The following LINC00305 variants were observed in gnomAD, a reference collection of about 807,000 sequenced individuals.
The protein encoded by LINC00305 is long independently transcribed non-coding RNA 305.
intron 3 of LINC00305, among the ~76,000 whole-genome samples, chr18:64,083,413 C>T (rs1283303323): frequency 6.6e-6 from 1 of 152,192 alleles, no homozygotes; most frequent in East Asian, 1.9e-4. Flanking sequence ...GTGTTTCTTC[C>T]TAAGTTCTCA....
chr18:64,094,986 C>A (rs2051239812), intron 3 of LINC00305, among the ~76,000 whole-genome samples: 2 of 152,088 alleles, frequency 1.3e-5, no homozygotes, highest in Non-Finnish European at 2.9e-5. Context: ...AATTTGGATA[C>A]AGAAAACTGA....
intron 3 of LINC00305, among the ~76,000 whole-genome samples, chr18:64,094,889 A>C (rs1262065789): frequency 6.8e-6 from 1 of 146,974 alleles, no homozygotes; most frequent in Non-Finnish European, 1.5e-5. Flanking sequence ...ATAAATAATA[A>C]AATAAAATAA....
chr18:64,097,317 C>A (rs1279672663), intron 3 of LINC00305, among the ~76,000 whole-genome samples: 3 of 152,034 alleles, frequency 2.0e-5, no homozygotes, highest in Non-Finnish European at 4.4e-5. Context: ...ATATTATATA[C>A]AATTATGTTA....
intron 1 of LINC00305, among the ~76,000 whole-genome samples, chr18:64,127,208 T>C (rs2051389269): frequency 1.3e-5 from 2 of 152,110 alleles, no homozygotes; most frequent in South Asian, 2.1e-4. Context: ...CCCTTGTCAC[T>C]GCTATATTAC....
intron 2 of LINC00305, among the ~76,000 whole-genome samples, chr18:64,098,196 T>C (rs2144237623): frequency 6.6e-6 from 1 of 152,344 alleles, no homozygotes; most frequent in African/African-American, 2.4e-5. Flanking sequence ...AATATTCAGA[T>C]TTTAAAAACT....
intron 1 of LINC00305, among the ~76,000 whole-genome samples, chr18:64,102,588 A>G (rs1355135113): frequency 6.6e-6 from 1 of 152,182 alleles, no homozygotes; most frequent in Non-Finnish European, 1.5e-5. Flanking sequence ...TCATTGCCAT[A>G]AAGAAATACC....
intron 1 of LINC00305, among the ~76,000 whole-genome samples, chr18:64,109,541 AT>A: frequency 6.6e-6 from 1 of 152,224 alleles, no homozygotes. Flanking sequence ...CCATTTATTC[AT>A]TGTCATCATC....
chr18:64,125,258 A>C (rs1006705715), intron 1 of LINC00305, among the ~76,000 whole-genome samples: 1 of 152,022 alleles, frequency 6.6e-6, no homozygotes, highest in East Asian at 1.9e-4. Flanking sequence ...TGCCTTTAGC[A>C]CTCAGCTTCT....
intron 1 of LINC00305, among the ~76,000 whole-genome samples, chr18:64,134,833 G>T (rs891156740): frequency 1.3e-5 from 2 of 152,152 alleles, no homozygotes; most frequent in African/African-American, 4.8e-5. Flanking sequence ...AAATTATGAG[G>T]TCTACATTCT....
intron 3 of LINC00305, among the ~76,000 whole-genome samples, chr18:64,096,729 A>G (rs1289574443): frequency 6.6e-6 from 1 of 151,950 alleles, no homozygotes; most frequent in Non-Finnish European, 1.5e-5. Context: ...TGTGGATTTG[A>G]CTATATGACA....
intron 1 of LINC00305, among the ~76,000 whole-genome samples, chr18:64,131,464 G>A (rs1373734842): frequency 6.6e-6 from 1 of 152,182 alleles, no homozygotes; most frequent in Non-Finnish European, 1.5e-5. Context: ...GAAAGGAAGT[G>A]AATTGGGCAG....
chr18:64,093,901 T>A (rs2051234676), intron 3 of LINC00305, among the ~76,000 whole-genome samples: 1 of 149,952 alleles, frequency 6.7e-6, no homozygotes, highest in Admixed American at 6.6e-5. Context: ...TCACCCCACC[T>A]TTACTCAAAG....
chr18:64,130,629 G>T (rs1352214867), intron 1 of LINC00305, among the ~76,000 whole-genome samples: 1 of 151,952 alleles, frequency 6.6e-6, no homozygotes, highest in African/African-American at 2.4e-5. Context: ...GTTTGAAAAA[G>T]GTCTATGGAA....
intron 3 of LINC00305, among the ~76,000 whole-genome samples, chr18:64,094,044 C>G (rs1400532987): frequency 6.6e-6 from 1 of 152,140 alleles, no homozygotes; most frequent in Non-Finnish European, 1.5e-5. Context: ...CCTTGCTATA[C>G]CTGGGGTCTG....
intron 3 of LINC00305, among the ~76,000 whole-genome samples, chr18:64,090,349 C>T (rs1453283226): frequency 6.6e-6 from 1 of 152,158 alleles, no homozygotes; most frequent in Non-Finnish European, 1.5e-5. Flanking sequence ...TCTAAAGAGG[C>T]ATTTTCTGAA....
chr18:64,083,653 C>A (rs991034065), intron 3 of LINC00305, among the ~76,000 whole-genome samples: 3 of 152,170 alleles, frequency 2.0e-5, no homozygotes, highest in African/African-American at 7.2e-5. Flanking sequence ...GCACGGGCCC[C>A]TTTTAATGCC....
intron 3 of LINC00305, among the ~76,000 whole-genome samples, chr18:64,087,858 G>A (rs761922425): frequency 8.5e-5 from 13 of 152,054 alleles, no homozygotes; most frequent in Non-Finnish European, 8.8e-5. Context: ...TTGGGAGGCC[G>A]AGGCGGATGG....
intron 1 of LINC00305, among the ~76,000 whole-genome samples, chr18:64,105,808 A>G (rs1271673779): frequency 6.6e-6 from 1 of 152,256 alleles, no homozygotes; most frequent in African/African-American, 2.4e-5. Context: ...TGACACAGGG[A>G]GAACCTGGTT....
At chr18:64,106,550 G>A (rs1599214026) in intron 1 of LINC00305, among the ~76,000 whole-genome samples, 1 of 152,150 alleles carries the variant, frequency 6.6e-6, no homozygotes, top group East Asian at 1.9e-4. Context: ...TGGAGTTTCT[G>A]GGTTCTATCA....
Sources: allele counts gnomAD v4.1 joint callset (sites outside exome capture counted in the v4.1 genomes callset), GRCh38; gene constraint gnomAD v4.1.1; transcripts MANE v1.5; gene names NCBI Gene and HGNC (gene_info 2026-07-23, HGNC 2026-07-21).